Variants in CDK5RAP2 observed in about 807,000 individuals in gnomAD.
CDK5RAP2 encodes the protein CDK5 regulatory subunit associated protein 2.
A neutral mutation model predicts 232.9 loss-of-function variants in CDK5RAP2; 147 were observed. That is an observed-to-expected ratio of 0.63 (90% confidence interval 0.55 to 0.72). The LOEUF (loss-of-function observed/expected upper bound fraction) is 0.72, where lower values mean the gene tolerates loss of function less well. Among genes scored for constraint, CDK5RAP2 ranks in the 30% least tolerant of loss-of-function variants. The probability of loss-of-function intolerance (pLI) is 0.00; values close to 1 mark genes in which losing one functional copy is unlikely to be tolerated. For synonymous variants in CDK5RAP2, 833 were observed against 833.7 expected, an observed-to-expected ratio of 1.00 and a Z score of 0.01; for missense variants, 2,195 against 2,231.5, an observed-to-expected ratio of 0.98 and a Z score of 0.33.
chr9:120,513,668 C>G (rs1304498191), intron 12 of CDK5RAP2, among the ~76,000 whole-genome samples: 5 of 152,218 alleles, frequency 3.3e-5, no homozygotes, highest in African/African-American at 1.2e-4. Flanking sequence ...TCTCTGTGCT[C>G]CTGTGGTTGT....
At chr9:120,576,491 CAAGAGTTCG>C (rs1378661957) in intron 1 of CDK5RAP2, among the ~76,000 whole-genome samples, 2 of 152,146 alleles carry the variant, frequency 1.3e-5, no homozygotes, top group Non-Finnish European at 2.9e-5. Flanking sequence ...CACCTGAGGT[CAAGAGTTCG>C]ACACCAGCCT....
intron 1 of CDK5RAP2, among the ~76,000 whole-genome samples, chr9:120,576,823 C>A (rs2043050384): frequency 6.6e-6 from 1 of 152,034 alleles, no homozygotes; most frequent in Non-Finnish European, 1.5e-5. Context: ...TGTCTGTAAT[C>A]CCAGCTCTTA....
intron 25 of CDK5RAP2, among the ~76,000 whole-genome samples, chr9:120,430,580 T>A (rs940290299): frequency 5.4e-4 from 82 of 152,262 alleles, no homozygotes; most frequent in African/African-American, 1.9e-3. Context: ...TCACACCAGT[T>A]ACAATGGCAA....
chr9:120,568,395 A>T lies in CDK5RAP2; in HGVS notation c.128-7T>A. 6.2e-7 allele frequency: 1 copy of T among 1,609,702 alleles called. No homozygotes were observed. The highest frequency in any genetic ancestry group is 8.5e-7 in the Non-Finnish European group (1 of 1,175,940). On this transcript the variant is annotated splice_region_variant and splice_polypyrimidine_tract_variant and intron_variant, in intron 2 of 37. Coordinates refer to ENST00000349780, the MANE Select transcript of CDK5RAP2 (RefSeq NM_018249.6). ...TCTGACACATTTGGGAGCACTGTAA[A>T]AAGGTAAAATAGAGGAAAACGTCAC...
Position 120,528,751 on chromosome 9 carries a change from C to T in CDK5RAP2, c.872G>A (p.Arg291Lys). 1 of 1,598,538 alleles carries T rather than the reference C, an allele frequency of 6.3e-7. No homozygotes were observed. The highest frequency in any genetic ancestry group is 1.7e-5 in the Admixed American group (1 of 60,006). The change falls in exon 9 of 38, where the codon AGG (arginine) becomes AAG (lysine). Residue 291 changes from arginine (R) to lysine (K), a missense_variant. Transcript: ENST00000349780. ...AAAATTGTATCAACATACCTGGATCCTCTCTTCAAAGCTGTTTCTCTCCTT... is the reference window on the plus strand; with the variant it reads ...AAAATTGTATCAACATACCTGGATCTTCTCTTCAAAGCTGTTTCTCTCCTT... ...HQKERNSFEE[R>K]IQALEEDLRE...
At chr9:120,497,276 A>G (rs559400242) in intron 12 of CDK5RAP2, among the ~76,000 whole-genome samples, 1 of 129,024 alleles carries the variant, frequency 7.8e-6, no homozygotes, top group East Asian at 2.6e-4. Flanking sequence ...AACACTGTGG[A>G]AGGCCGCAGG....
intron 4 of CDK5RAP2, among the ~76,000 whole-genome samples, chr9:120,547,518 C>T (rs1417581856): frequency 2.6e-5 from 4 of 151,920 alleles, no homozygotes; most frequent in Non-Finnish European, 4.4e-5. Context: ...GCAGAAGAAT[C>T]GCTCGAACCC....
chr9:120,470,965 G>C (rs1041924476), intron 16 of CDK5RAP2, among the ~76,000 whole-genome samples: 1 of 152,120 alleles, frequency 6.6e-6, no homozygotes, highest in African/African-American at 2.4e-5. Context: ...CTGAAATCTG[G>C]GCACGTCAAA....
chr9:120,400,220 C>T (rs1345396218), intron 35 of CDK5RAP2, among the ~76,000 whole-genome samples: 1 of 152,124 alleles, frequency 6.6e-6, no homozygotes, highest in Non-Finnish European at 1.5e-5. Context: ...CTGCCTGACT[C>T]CTGGTTTGGA....
In CDK5RAP2 at chr9:120,550,343, T is replaced by A. The variant is rs139041952; in HGVS notation, c.306+449A>T. ...AGCACTGACTGTGTGCTGGAGCTTTTCATCTGTCTTCTCATTTTAATTCAT... is the reference window on the plus strand; with the variant it reads ...AGCACTGACTGTGTGCTGGAGCTTTACATCTGTCTTCTCATTTTAATTCAT... On this transcript the variant is annotated intron_variant, in intron 4 of 37. Coordinates refer to ENST00000349780, the MANE Select transcript of CDK5RAP2 (RefSeq NM_018249.6). Among the ~76,000 whole-genome samples the A allele has an allele frequency of 1.4e-3, 210 of 152,342 alleles. 1 individual carries two copies. Among genetic ancestry groups the A allele is most frequent in the African/African-American group, 4.8e-3 (199 of 41,576 alleles).
chr9:120,462,489 C>T (rs1415042589), intron 18 of CDK5RAP2, among the ~76,000 whole-genome samples: 1 of 150,862 alleles, frequency 6.6e-6, no homozygotes, highest in Non-Finnish European at 1.5e-5. Flanking sequence ...CATGAATGCC[C>T]ATATCACCTT....
rs41312238 is a variant in CDK5RAP2 at position 120,407,084 on chromosome 9, G to T, written c.4891C>A (p.Gln1631Lys). The change falls in exon 32 of 38, where the codon CAG (glutamine) becomes AAG (lysine). Residue 1631 changes from glutamine (Q) to lysine (K), a missense_variant. Gln to Lys is a moderately conservative substitution (Grantham distance 53). Transcript: ENST00000349780. ...EQLARGAEKA[Q>K]EGALTLAVQA... The stretch of plus-strand genomic sequence containing the variant: ...ACAGCCAGAGTGAGGGCTCCTTCCT[G>T]TGCCTTCTCTGCCCCCCTTGCCAGC... 18 of 1,614,120 alleles carry T rather than the reference G, an allele frequency of 1.1e-5. No individual in the cohort carries two copies. The Admixed American group carries it at 2.0e-4, about 18-fold the overall frequency.
At chr9:120,579,096 C>G (rs1026655918) in intron 1 of CDK5RAP2, among the ~76,000 whole-genome samples, 1 of 152,202 alleles carries the variant, frequency 6.6e-6, no homozygotes, top group Non-Finnish European at 1.5e-5. Flanking sequence ...GCCTTCCTAC[C>G]AGACCCCAGC....
Position 120,477,344 on chromosome 9 carries a change from G to A in CDK5RAP2, c.1727+6C>T, listed in dbSNP as rs113502442. 20 of 1,606,492 alleles carry A rather than the reference G, an allele frequency of 1.2e-5. No individual in the cohort carries two copies. In the East Asian group the frequency reaches 2.5e-4, roughly 20 times the overall value. ...ACATGTGTGATGTCCAGACAGAAAC[G>A]CTTACCTGTCTGATTCCTGCAGAGA... On this transcript the variant is annotated splice_donor_region_variant and intron_variant, in intron 15 of 37. Coordinates refer to ENST00000349780, the MANE Select transcript of CDK5RAP2 (RefSeq NM_018249.6).
intron 27 of CDK5RAP2, among the ~76,000 whole-genome samples, chr9:120,416,999 G>A (rs932743339): frequency 5.9e-5 from 9 of 152,212 alleles, no homozygotes; most frequent in African/African-American, 1.7e-4. Flanking sequence ...AAGTAATTTG[G>A]TGGAATGTCG....
In CDK5RAP2 at chr9:120,403,196, A is replaced by G. The variant is rs1295293021; in HGVS notation, c.5042-125T>C. Reference sequence around the variant, plus strand: ...CTCGTGCCCAAATGCCACCCAACACAAGCCCAGAGGGGAAAAGAGGCACGC... The same window carrying G: ...CTCGTGCCCAAATGCCACCCAACACGAGCCCAGAGGGGAAAAGAGGCACGC... On this transcript the variant is annotated intron_variant, in intron 33 of 37. Transcript: ENST00000349780. This position sits in a 1 kb window ranked among gnomAD's most constrained non-coding sequence, Gnocchi z 4.2. 1.2e-5 allele frequency: 11 copies of G among 932,790 alleles called. No individual in the cohort carries two copies. Among genetic ancestry groups the G allele is most frequent in the Non-Finnish European group, 1.9e-5 (11 of 594,480 alleles). The allele number at this position is 932,790 out of a possible 1,614,324, so 57.8% of individuals were successfully genotyped here. A position where few individuals can be genotyped will look rare whatever the true frequency, so the allele number is the denominator to read the frequency against.
At chr9:120,389,932 G>A in intron 36 of CDK5RAP2, 145 bp from the exon 37 acceptor site, 5 of 737,570 alleles carry the variant, frequency 6.8e-6, no homozygotes, top group East Asian at 2.7e-5. Flanking sequence ...AGACCAGAGG[G>A]AGGTACAAAG....
At chr9:120,442,966 G>C (rs1283779688) in intron 23 of CDK5RAP2, among the ~76,000 whole-genome samples, 2 of 151,990 alleles carry the variant, frequency 1.3e-5, no homozygotes, top group Non-Finnish European at 2.9e-5. Context: ...TTTTAATGAA[G>C]GGGGAAAAAT....
intron 6 of CDK5RAP2, 69 bp from the exon 7 acceptor site, chr9:120,536,595 G>C: frequency 7.1e-7 from 1 of 1,401,832 alleles, no homozygotes; most frequent in Non-Finnish European, 9.9e-7. Context: ...AAGGAAATTG[G>C]ATTAAAATAT....
Sources: allele counts gnomAD v4.1 joint callset (sites outside exome capture counted in the v4.1 genomes callset), GRCh38; gene constraint gnomAD v4.1.1; non-coding constraint Gnocchi (gnomAD v3.1); transcripts MANE v1.5; gene names NCBI Gene and HGNC (gene_info 2026-07-23, HGNC 2026-07-21).